The following ALLC variants were observed in gnomAD, a reference collection of about 807,000 sequenced individuals.
The protein encoded by ALLC is allantoicase.
In ALLC, 40 loss-of-function variants were observed where a neutral mutation model predicts 45.0. That is an observed-to-expected ratio of 0.89 (90% CI 0.69 to 1.16). The LOEUF is 1.16. Ranked by LOEUF, ALLC falls within the 50% of genes most tolerant of loss-of-function variation. The pLI, the probability that ALLC is intolerant of heterozygous loss-of-function variation, is 0.00. For synonymous variants in ALLC, 176 were observed against 178.1 expected (o/e 0.99, Z 0.09); for missense variants, 488 against 493.1 (o/e 0.99, Z 0.10).
intron 1 of ALLC, among the ~76,000 whole-genome samples, chr2:3,667,706 A>G (rs544684522): frequency 1.3e-5 from 2 of 152,356 alleles, no homozygotes; most frequent in East Asian, 3.9e-4. Context: ...ACACTGGTGA[A>G]TGGAACAAAA....
At chr2:3,664,795 G>A (rs1461186973) in intron 1 of ALLC, among the ~76,000 whole-genome samples, 1 of 151,540 alleles carries the variant, frequency 6.6e-6, no homozygotes, top group Non-Finnish European at 1.5e-5. Flanking sequence ...GAGGTGGGAA[G>A]ATCACTTGAG....
At chr2:3,698,002 C>T (rs1303037501) in intron 10 of ALLC, among the ~76,000 whole-genome samples, 1 of 151,638 alleles carries the variant, frequency 6.6e-6, no homozygotes, top group Non-Finnish European at 1.5e-5. Context: ...CTTGCTTTGT[C>T]ACCCAGGTTG....
At chr2:3,678,381 C>G (rs1378920384) in intron 3 of ALLC, 87 bp from the exon 4 acceptor site, 2 of 1,161,138 alleles carry the variant, frequency 1.7e-6, no homozygotes, top group African/African-American at 3.0e-5. Context: ...CACCGTTCCT[C>G]TGGCACTGTG....
intron 2 of ALLC, among the ~76,000 whole-genome samples, chr2:3,673,675 C>T (rs886829913): frequency 1.4e-4 from 22 of 152,250 alleles, no homozygotes; most frequent in African/African-American, 4.6e-4. Flanking sequence ...GCAGGGTGAC[C>T]TATGGCGGCC....
chr2:3,697,633 A>G (rs143313547), intron 10 of ALLC, among the ~76,000 whole-genome samples, 177 bp downstream of exon 10: 218 of 141,572 alleles, frequency 1.5e-3, no homozygotes, highest in African/African-American at 4.7e-3. Context: ...CTATCTATCT[A>G]TCTATCTATC....
chr2:3,670,995 C>T lies in ALLC; in HGVS notation c.-62-101C>T, dbSNP rs1666853523. 4 of 679,030 alleles carry T rather than the reference C, an allele frequency of 5.9e-6. No individual in the cohort carries two copies. In the Admixed American group the frequency reaches 1.0e-4, roughly 17 times the overall value. The allele number at this position is 679,030 out of a possible 1,614,324, so 42.1% of individuals were successfully genotyped here. A position where few individuals can be genotyped will look rare whatever the true frequency, so the allele number is the denominator to read the frequency against. On this transcript the variant is annotated intron_variant, in intron 1 of 11. Transcript: ENST00000252505. ...ACAGTACATCCAGTTCTGTCACTGC[C>T]TGACTTTTGAAAGTCTCAAATCTTA...
At chr2:3,651,542 C>A in the ALLC span, among the ~76,000 whole-genome samples, 1 of 151,768 alleles carries the variant, frequency 6.6e-6, no homozygotes, top group Non-Finnish European at 1.5e-5. Flanking sequence ...CACCCGGCCT[C>A]GCTCCGCGTG....
intron 2 of ALLC, among the ~76,000 whole-genome samples, chr2:3,673,739 G>A (rs1039458407): frequency 6.6e-6 from 1 of 152,164 alleles, no homozygotes; most frequent in Non-Finnish European, 1.5e-5. Flanking sequence ...AGCTTTTTTG[G>A]TCATTGCTCG....
At chr2:3,650,916 C>G in the ALLC span, among the ~76,000 whole-genome samples, 13 of 152,188 alleles carry the variant, frequency 8.5e-5, no homozygotes, top group Admixed American at 6.5e-4. Flanking sequence ...AAACACTGGG[C>G]CTGAAGTCAG....
At chr2:3,671,586 T>TCTGGTTCTAGTTAGATGGGAGGTCCC (rs1558537053) in intron 2 of ALLC, among the ~76,000 whole-genome samples, 1 of 103,004 alleles carries the variant, frequency 9.7e-6, no homozygotes, top group African/African-American at 4.0e-5. Flanking sequence ...TGGGAGGTCC[T>TCTGGTTCTAGTTAGATGGGAGGTCCC]CTGGCTCTAG....
At chr2:3,658,876 C>CAAAAA (rs566003324) in intron 1 of ALLC, among the ~76,000 whole-genome samples, 87 of 69,056 alleles carry the variant, frequency 1.3e-3, no homozygotes, top group African/African-American at 4.0e-3. Context: ...GACCCTGTCT[C>CAAAAA]AAAAAAAAAA....
chr2:3,663,348 G>A (rs28548099), intron 1 of ALLC, among the ~76,000 whole-genome samples: 36,018 of 152,020 alleles, frequency 0.24, 5,886 homozygotes, highest in African/African-American at 0.47. Flanking sequence ...GCATGTTCTC[G>A]CTTATAAGTG....
chr2:3,656,733 G>T (rs567002997), upstream of ALLC, among the ~76,000 whole-genome samples: 22 of 152,070 alleles, frequency 1.4e-4, no homozygotes, highest in African/African-American at 5.1e-4. Flanking sequence ...TAACCAGCTC[G>T]TAGGTGATTT....
At chr2:3,651,861 G>C in the ALLC span, among the ~76,000 whole-genome samples, 1 of 152,100 alleles carries the variant, frequency 6.6e-6, no homozygotes, top group African/African-American at 2.4e-5. Flanking sequence ...CTGCTCTCGC[G>C]CTCTGCCCAC....
the ALLC span, among the ~76,000 whole-genome samples, chr2:3,648,210 G>A: frequency 6.6e-6 from 1 of 152,198 alleles, no homozygotes; most frequent in Non-Finnish European, 1.5e-5. Context: ...CCCCCATTAA[G>A]GAGCAGAGGT....
intron 7 of ALLC, among the ~76,000 whole-genome samples, chr2:3,694,048 G>A (rs536028789): frequency 6.6e-6 from 1 of 152,208 alleles, no homozygotes; most frequent in South Asian, 2.1e-4. Flanking sequence ...TACAACAAAA[G>A]TATTTTGGTA....
chr2:3,679,820 C>G (rs774189445), intron 4 of ALLC, 49 bp from the exon 5 acceptor site: 2 of 1,607,702 alleles, frequency 1.2e-6, no homozygotes, highest in Non-Finnish European at 1.7e-6. Flanking sequence ...CATGCAGCAT[C>G]TGCTGTGTTG....
chr2:3,696,369 A>G lies in ALLC; in HGVS notation c.741+21A>G, dbSNP rs760212461. 3.8e-6 allele frequency: 6 copies of G among 1,592,130 alleles called. No homozygotes were observed. In the Admixed American group the frequency reaches 7.1e-5, roughly 19 times the overall value. ...TAGAAGTAAGAAGTTAAAAATAACTATGGTTTAAAGTTTTTCTTAAAAGTA... is the reference window on the plus strand; with the variant it reads ...TAGAAGTAAGAAGTTAAAAATAACTGTGGTTTAAAGTTTTTCTTAAAAGTA... On this transcript the variant is annotated intron_variant, in intron 9 of 11. Transcript: ENST00000252505.
chr2:3,679,199 C>G (rs903283311), intron 4 of ALLC, among the ~76,000 whole-genome samples: 1 of 152,202 alleles, frequency 6.6e-6, no homozygotes, highest in African/African-American at 2.4e-5. Context: ...TTCTAACTTT[C>G]TACAGTACTT....
Sources: gnomAD v4.1 joint callset for allele counts (sites outside exome capture counted in the v4.1 genomes callset) on GRCh38, gnomAD v4.1.1 for gene constraint, MANE v1.5 for transcripts, NCBI Gene and HGNC (gene_info 2026-07-23, HGNC 2026-07-21) for gene names.